Variants in PPM1E observed in about 807,000 individuals in gnomAD.
PPM1E encodes protein phosphatase, Mg2+/Mn2+ dependent 1E, also known as protein phosphatase 1E.
A neutral mutation model predicts 65.9 loss-of-function variants in PPM1E; 20 were observed. The ratio of observed to expected loss-of-function variants is 0.30; its 90% CI spans 0.21 to 0.44. The LOEUF is 0.44. PPM1E is among the 20% of genes least tolerant of loss of function. The pLI is 1.00. For missense variants in PPM1E, 713 were observed against 953.1 expected (o/e 0.75, Z 3.32); for synonymous variants, 352 against 374.9 (o/e 0.94, Z 0.70).
chr17:58,792,289 T>C (rs984499361), intron 1 of PPM1E, among the ~76,000 whole-genome samples: 5 of 148,640 alleles, frequency 3.4e-5, no homozygotes, highest in African/African-American at 9.8e-5. Context: ...TGATATTATA[T>C]AGTAATATTA....
At chr17:58,872,352 C>G (rs1028968199) in intron 1 of PPM1E, among the ~76,000 whole-genome samples, 1 of 152,024 alleles carries the variant, frequency 6.6e-6, no homozygotes, top group Non-Finnish European at 1.5e-5. Flanking sequence ...AAACCTCTAC[C>G]AAGCTGGGAG....
Position 58,979,763 on chromosome 17 carries a change from T to C in PPM1E, c.1211-211T>C, listed in dbSNP as rs182209780. Among the ~76,000 whole-genome samples, 733 of 152,322 alleles carry C rather than the reference T, an allele frequency of 4.8e-3. 4 individuals are homozygous for C. Among genetic ancestry groups the C allele is most frequent in the Non-Finnish European group, 7.7e-3 (527 of 68,028 alleles). ...TAGGTAAGGACTTATGCCCAGTAAC[T>C]AGCAATTATTTAACTGGGAGTAAGG... On this transcript the variant is annotated intron_variant, in intron 6 of 6. Transcript: ENST00000308249.
chr17:58,946,598 G>A (rs1598668179), intron 1 of PPM1E, among the ~76,000 whole-genome samples: 1 of 152,176 alleles, frequency 6.6e-6, no homozygotes, highest in South Asian at 2.1e-4. Context: ...TGGGACTACA[G>A]GTGTGCCCAC....
At chr17:58,757,989 G>A (rs1339506693) in intron 1 of PPM1E, among the ~76,000 whole-genome samples, 1 of 152,064 alleles carries the variant, frequency 6.6e-6, no homozygotes, top group Non-Finnish European at 1.5e-5. Flanking sequence ...AGTATTTAAA[G>A]ATAAAGCTCC....
Position 58,981,713 on chromosome 17 carries a change from TGTA to T in PPM1E, c.*685_*687del, listed in dbSNP as rs1454126991. On this transcript the variant is annotated 3_prime_UTR_variant, in exon 7 of 7. Transcript: ENST00000308249. ...TTAATTAAAAAATATTTCCTAGGGC[TGTA>T]GTTATTTGGGAGTTTCATAACCTGT... is the stretch of plus-strand genomic sequence containing the variant. 4.6e-5 allele frequency: 7 copies of T among 152,096 alleles called. No individual in the cohort carries two copies. Among genetic ancestry groups the T allele is most frequent in the Admixed American group, 4.0e-4 (6 of 15,174 alleles). The allele number at this position is 152,096 out of a possible 1,614,324, so 9.4% of individuals were successfully genotyped here. A position where few individuals can be genotyped will look rare whatever the true frequency, so the allele number is the denominator to read the frequency against.
intron 1 of PPM1E, among the ~76,000 whole-genome samples, chr17:58,847,488 T>G (rs918441682): frequency 2.0e-5 from 3 of 152,232 alleles, no homozygotes; most frequent in Non-Finnish European, 4.4e-5. Flanking sequence ...TTTCTACATA[T>G]GGCTAGCCAG....
intron 1 of PPM1E, among the ~76,000 whole-genome samples, chr17:58,900,028 C>CA (rs796479802): frequency 0.028 from 2,745 of 96,840 alleles, 26 homozygotes; most frequent in Middle Eastern, 0.1. Flanking sequence ...GATACAGTCT[C>CA]AAAAAAAAAA....
At chr17:58,766,661 T>C (rs1367016091) in intron 1 of PPM1E, among the ~76,000 whole-genome samples, 1 of 151,884 alleles carries the variant, frequency 6.6e-6, no homozygotes, top group Non-Finnish European at 1.5e-5. Context: ...GCTAAAATGC[T>C]AAAGGGCAAG....
At chr17:58,764,183 C>T (rs2049850831) in intron 1 of PPM1E, among the ~76,000 whole-genome samples, 1 of 151,548 alleles carries the variant, frequency 6.6e-6, no homozygotes, top group South Asian at 2.1e-4. Context: ...CAGTACATCC[C>T]AATTTGGAGT....
intron 1 of PPM1E, among the ~76,000 whole-genome samples, chr17:58,842,303 A>G (rs2143222094): frequency 6.6e-6 from 1 of 152,334 alleles, no homozygotes; most frequent in African/African-American, 2.4e-5. Flanking sequence ...GGCATCCTGA[A>G]TGGGATCCTG....
At chr17:58,771,603 CAG>C (rs901796795) in intron 1 of PPM1E, among the ~76,000 whole-genome samples, 5 of 147,678 alleles carry the variant, frequency 3.4e-5, no homozygotes, top group African/African-American at 1.3e-4. Context: ...AGCCTGGCAA[CAG>C]AGTGAGACTC....
chr17:58,933,144 C>T (rs991343728), intron 1 of PPM1E, among the ~76,000 whole-genome samples: 6 of 152,160 alleles, frequency 3.9e-5, no homozygotes, highest in African/African-American at 9.7e-5. Flanking sequence ...ATGACAACAT[C>T]GCCTAATGAT....
intron 1 of PPM1E, among the ~76,000 whole-genome samples, chr17:58,854,682 G>A (rs2050863524): frequency 6.6e-6 from 1 of 151,684 alleles, no homozygotes. Flanking sequence ...CCTTCATTTT[G>A]TTAATGTGGT....
At chr17:58,878,303 C>T (rs967675776) in intron 1 of PPM1E, among the ~76,000 whole-genome samples, 4 of 152,036 alleles carry the variant, frequency 2.6e-5, no homozygotes, top group South Asian at 4.2e-4. Flanking sequence ...AGTGCAGTGG[C>T]GCCATCTCGG....
chr17:58,761,613 A>G (rs1467623449), intron 1 of PPM1E, among the ~76,000 whole-genome samples: 5 of 152,184 alleles, frequency 3.3e-5, no homozygotes, highest in Middle Eastern at 3.4e-3. Flanking sequence ...TTGGAATACT[A>G]TGTTCCCCCA....
intron 2 of PPM1E, among the ~76,000 whole-genome samples, chr17:58,958,164 T>G (rs1207717451): frequency 6.6e-6 from 1 of 152,104 alleles, no homozygotes; most frequent in African/African-American, 2.4e-5. Context: ...AAAACCAATT[T>G]GAAATATCAC....
intron 1 of PPM1E, among the ~76,000 whole-genome samples, chr17:58,895,789 G>C (rs188190142): frequency 6.6e-6 from 1 of 152,160 alleles, no homozygotes; most frequent in Admixed American, 6.6e-5. Flanking sequence ...CAGCCTGGGT[G>C]ACAGAGCGAG....
At chr17:58,819,814 A>G (rs2050462163) in intron 1 of PPM1E, among the ~76,000 whole-genome samples, 1 of 152,006 alleles carries the variant, frequency 6.6e-6, no homozygotes, top group Non-Finnish European at 1.5e-5. Flanking sequence ...AGGTGGGTGG[A>G]TCACCTGATG....
intron 1 of PPM1E, among the ~76,000 whole-genome samples, chr17:58,776,992 G>A (rs565882001): frequency 1.3e-5 from 2 of 152,110 alleles, no homozygotes; most frequent in African/African-American, 4.8e-5. Context: ...CAACACTTTG[G>A]AGGATGAAGC....
Sources: gnomAD v4.1 joint callset for allele counts (sites outside exome capture counted in the v4.1 genomes callset) on GRCh38, gnomAD v4.1.1 for gene constraint, MANE v1.5 for transcripts, NCBI Gene and HGNC (gene_info 2026-07-23, HGNC 2026-07-21) for gene names.